The following ZNF431 variants were observed in gnomAD, a reference collection of about 807,000 sequenced individuals.
ZNF431 encodes the protein zinc finger protein 431.
Under a neutral mutation model 57.0 loss-of-function variants are expected in ZNF431, and 34 were observed. The observed-to-expected ratio is 0.60, with a 90% confidence interval of 0.45 to 0.79. The LOEUF (loss-of-function observed/expected upper bound fraction) is 0.79, where lower values mean the gene tolerates loss of function less well. Among genes scored for constraint, ZNF431 ranks in the 30% least tolerant of loss-of-function variants. ZNF431 has a pLI of 0.00. For missense variants in ZNF431, 607 were observed against 667.1 expected, an observed-to-expected ratio of 0.91 and a Z score of 0.99; for synonymous variants, 207 against 220.3, an observed-to-expected ratio of 0.94 and a Z score of 0.54.
In ZNF431 at chr19:21,142,097, C is replaced by T; in HGVS notation, c.-87C>T. On this transcript the variant is annotated 5_prime_UTR_variant, in exon 1 of 5. Transcript: ENST00000311048. ...CCTTCGCTGCTCTGTGTCCTCTGCT[C>T]CTAGAGGCCCAACATCTGTGGCCCT... 14 of 1,571,370 alleles carry T rather than the reference C, an allele frequency of 8.9e-6. No individual in the cohort carries two copies. Among genetic ancestry groups the T allele is most frequent in the East Asian group, 2.2e-5 (1 of 44,606 alleles).
Position 21,183,768 on chromosome 19 carries a change from T to A in ZNF431, c.1465T>A (p.Cys489Ser), listed in dbSNP as rs1971284465. 1 of 1,614,014 alleles carries A rather than the reference T, an allele frequency of 6.2e-7. No homozygotes were observed. The highest frequency in any genetic ancestry group is 1.3e-5 in the African/African-American group (1 of 75,058). The change falls in exon 5 of 5, where the codon TGT becomes AGT. Residue 489 changes from cysteine (C) to serine (S), a missense_variant. Cys to Ser is a moderately radical substitution (Grantham distance 112, BLOSUM62 -1). Transcript: ENST00000311048. ...TGEKPYKCEE[C>S]GKAFNRSSNL... ...AGAGAAACCCTACAAATGTGAAGAA[T>A]GTGGCAAAGCTTTTAACCGATCCTC...
chr19:21,147,557 C>A (rs1970134693), intron 2 of ZNF431, among the ~76,000 whole-genome samples: 1 of 149,378 alleles, frequency 6.7e-6, no homozygotes. Context: ...TGAAGAGTAC[C>A]AACACAAGAT....
chr19:21,156,694 TTG>T (rs869276048), intron 2 of ZNF431, among the ~76,000 whole-genome samples: 168 of 12,454 alleles, frequency 0.013, no homozygotes, highest in East Asian at 0.11. Flanking sequence ...TAACTTAATC[TTG>T]TTTTTTTTTT....
intron 4 of ZNF431, among the ~76,000 whole-genome samples, chr19:21,171,547 T>G (rs1287778742): frequency 6.6e-6 from 1 of 151,850 alleles, no homozygotes; most frequent in Non-Finnish European, 1.5e-5. Flanking sequence ...GTGTGTGTGT[T>G]TATCTATAAA....
chr19:21,154,855 G>A lies in ZNF431; in HGVS notation c.96+11212G>A, dbSNP rs1305607914. Among the ~76,000 whole-genome samples the A allele has an allele frequency of 3.4e-5, 5 of 149,092 alleles. No individual in the cohort carries two copies. In the East Asian group the frequency reaches 9.7e-4, roughly 29 times the overall value. Reference sequence around the variant, plus strand: ...GTCTGTTCATATCCTTTGCCCACTTGTTGATGGGGTTGTTTGTTTTTTTCT... The same window carrying A: ...GTCTGTTCATATCCTTTGCCCACTTATTGATGGGGTTGTTTGTTTTTTTCT... On this transcript the variant is annotated intron_variant, in intron 2 of 4. Transcript: ENST00000311048.
Position 21,183,464 on chromosome 19 carries a change from TA to T in ZNF431, c.1162del (p.Thr388LeufsTer33). 1 of 1,613,928 alleles carries T rather than the reference TA, an allele frequency of 6.2e-7. No individual in the cohort carries two copies. The highest frequency in any genetic ancestry group is 1.1e-5 in the South Asian group (1 of 91,078). On this transcript the variant is annotated frameshift_variant, in exon 5 of 5. Transcript: ENST00000311048. LOFTEE classifies it high-confidence loss of function. ...AAGGCTTTAATTGGTCCTCAACCCT[TA>T]CTAAACATAAAAGAATTCATACTGG... ...GKGFNWSSTL[T>X]KHKRIHTGEK...
rs138249393 is a variant in ZNF431 at position 21,183,366 on chromosome 19, C to T, written c.1063C>T (p.Arg355Ter). ...KCEECDKAFN[R>*]FSYLTKHKII... Reference sequence around the variant, plus strand: ...TGAGGAATGTGACAAAGCTTTTAATCGATTCTCATACCTTACTAAACATAA... The same window carrying T: ...TGAGGAATGTGACAAAGCTTTTAATTGATTCTCATACCTTACTAAACATAA... The change falls in exon 5 of 5, where the codon CGA (arginine) becomes TGA (stop). Residue 355 changes from arginine (R) to a stop codon, truncating the protein, a stop_gained. Coordinates refer to ENST00000311048, the MANE Select transcript of ZNF431 (RefSeq NM_133473.4). LOFTEE classifies it high-confidence loss of function. The T allele has an allele frequency of 7.4e-6, 12 of 1,613,038 alleles. 1 individual carries two copies. In the African/African-American group the frequency reaches 1.1e-4, roughly 14 times the overall value.
In ZNF431 at chr19:21,183,471, CAT is replaced by C. The variant is rs1971271240; in HGVS notation, c.1170_1171del (p.His390GlnfsTer13). On this transcript the variant is annotated frameshift_variant, in exon 5 of 5. Coordinates refer to ENST00000311048, the MANE Select transcript of ZNF431 (RefSeq NM_133473.4). LOFTEE classifies it high-confidence loss of function. ...GFNWSSTLTK[H>X]KRIHTGEKPY... Reference sequence around the variant, plus strand: ...TAATTGGTCCTCAACCCTTACTAAACATAAAAGAATTCATACTGGAGAGAAAC... The same window carrying C: ...TAATTGGTCCTCAACCCTTACTAAACAAAAGAATTCATACTGGAGAGAAAC... The C allele has an allele frequency of 6.2e-7, 1 of 1,613,692 alleles. No homozygotes were observed. Among genetic ancestry groups the C allele is most frequent in the Non-Finnish European group, 8.5e-7 (1 of 1,179,938 alleles).
chr19:21,172,096 A>G (rs1970911661), intron 4 of ZNF431, among the ~76,000 whole-genome samples: 1 of 147,346 alleles, frequency 6.8e-6, no homozygotes, highest in Non-Finnish European at 1.5e-5. Flanking sequence ...ATAATTCTGT[A>G]TTTTTTTCTG....
intron 2 of ZNF431, among the ~76,000 whole-genome samples, chr19:21,161,577 C>T (rs1386905235): frequency 1.3e-5 from 2 of 152,154 alleles, no homozygotes. Context: ...AAAAACTGAA[C>T]TGGAAATACC....
rs1971339607 is a variant in ZNF431, at chr19:21,185,300, T to C, written c.*1266T>C. 1 of 152,234 alleles carries C rather than the reference T, an allele frequency of 6.6e-6. No homozygotes were observed. Among genetic ancestry groups the C allele is most frequent in the African/African-American group, 2.4e-5 (1 of 41,470 alleles). The allele number at this position is 152,234 out of a possible 1,614,324, so 9.4% of individuals were successfully genotyped here. A position where few individuals can be genotyped will look rare whatever the true frequency, so the allele number is the denominator to read the frequency against. ...CAGAGTTATAATTACATTCAAAGTA[T>C]ACTTTATTTCTTGAAAAATATTACA... On this transcript the variant is annotated 3_prime_UTR_variant, in exon 5 of 5. Transcript: ENST00000311048.
rs749176908 is a variant in ZNF431 at position 21,192,166 on chromosome 19, G to GTTTA, written c.*8148_*8151dup. ...GTATTTTGAAAGTTTAATAAATTTT[G>GTTTA]TTTATTTATTTATTTATTTTGAGAT... On this transcript the variant is annotated 3_prime_UTR_variant, in exon 5 of 5. Coordinates refer to ENST00000311048, the MANE Select transcript of ZNF431 (RefSeq NM_133473.4). 4.0e-5 allele frequency: 6 copies of GTTTA among 151,872 alleles called. No individual in the cohort carries two copies. The highest frequency in any genetic ancestry group is 5.9e-5 in the Non-Finnish European group (4 of 67,916). 9.4% of individuals were successfully genotyped at this position (151,872 alleles called of 1,614,324 possible). A position where few individuals can be genotyped will look rare whatever the true frequency, so the allele number is the denominator to read the frequency against.
intron 4 of ZNF431, among the ~76,000 whole-genome samples, chr19:21,179,779 C>T (rs767911862): frequency 4.6e-4 from 70 of 152,110 alleles, no homozygotes; most frequent in Admixed American, 9.2e-4. Flanking sequence ...AGGCTGGTCT[C>T]GAACTCCCGA....
chr19:21,155,917 C>T (rs1488327337), intron 2 of ZNF431, among the ~76,000 whole-genome samples: 1 of 152,076 alleles, frequency 6.6e-6, no homozygotes, highest in Non-Finnish European at 1.5e-5. Context: ...TACCTATTGT[C>T]TTGGGATCCC....
intron 2 of ZNF431, among the ~76,000 whole-genome samples, chr19:21,146,061 A>G (rs1215458508): frequency 6.6e-6 from 1 of 152,200 alleles, no homozygotes; most frequent in East Asian, 1.9e-4. Context: ...TGGAAAAATA[A>G]GAAAATGTGC....
rs1190792574 is a variant in ZNF431 at position 21,193,373 on chromosome 19, CA to C, written c.*9343del. 2 of 152,076 alleles carry C rather than the reference CA, an allele frequency of 1.3e-5. No individual in the cohort carries two copies. The highest frequency in any genetic ancestry group is 1.3e-4 in the Admixed American group (2 of 15,252). 9.4% of individuals were successfully genotyped at this position (152,076 alleles called of 1,614,324 possible). Reference sequence around the variant, plus strand: ...GTGAAACCCCATCTCTGCTAAAATACAAAATTAGCCAGGCGTGGTGGCATAT... The same window carrying C: ...GTGAAACCCCATCTCTGCTAAAATACAAATTAGCCAGGCGTGGTGGCATAT... On this transcript the variant is annotated 3_prime_UTR_variant, in exon 5 of 5. Coordinates refer to ENST00000311048, the MANE Select transcript of ZNF431 (RefSeq NM_133473.4).
chr19:21,155,202 G>A (rs1186683999), intron 2 of ZNF431, among the ~76,000 whole-genome samples: 1 of 152,178 alleles, frequency 6.6e-6, no homozygotes, highest in African/African-American at 2.4e-5. Context: ...TTTGTATAAG[G>A]TGTAAGGAAA....
chr19:21,163,334 T>C (rs1193047338), intron 2 of ZNF431, among the ~76,000 whole-genome samples: 1 of 152,204 alleles, frequency 6.6e-6, no homozygotes. Flanking sequence ...ACCAGAAATA[T>C]TTGTGTTGTG....
chr19:21,173,516 T>C (rs530226056), intron 4 of ZNF431, among the ~76,000 whole-genome samples: 2 of 152,282 alleles, frequency 1.3e-5, no homozygotes, highest in East Asian at 1.9e-4. Context: ...TTTATTTCTT[T>C]ATTATTTTTT....
Sources: gnomAD v4.1 joint callset for allele counts (sites outside exome capture counted in the v4.1 genomes callset) on GRCh38, gnomAD v4.1.1 for gene constraint, MANE v1.5 for transcripts, NCBI Gene and HGNC (gene_info 2026-07-23, HGNC 2026-07-21) for gene names.